CDH13: variants seen among roughly 807,000 people sequenced by gnomAD.
CDH13 encodes the protein cadherin-13.
A neutral mutation model predicts 63.8 loss-of-function variants in CDH13; 24 were observed. The observed-to-expected ratio is 0.38, with a 90% confidence interval of 0.27 to 0.53. CDH13 has a LOEUF of 0.53. Among genes scored for constraint, CDH13 ranks in the 20% least tolerant of loss-of-function variants. CDH13 has a pLI of 0.85. For synonymous variants in CDH13, 503 were observed against 355.3 expected, an observed-to-expected ratio of 1.42 and a Z score of -4.67; for missense variants, 1,049 against 903.1, an observed-to-expected ratio of 1.16 and a Z score of -2.07.
rs371642667 is a variant in CDH13 at position 82,775,428 on chromosome 16, G to A, written c.46-82934G>A. Among the ~76,000 whole-genome samples the A allele has an allele frequency of 9.2e-5, 14 of 152,284 alleles. No individual in the cohort carries two copies. In the East Asian group the frequency reaches 2.1e-3, roughly 23 times the overall value. ...TCTCTGACTTTTACTTTTCTCTTAC[G>A]TAAAATGGTGTGGGATCACACTCAC... On this transcript the variant is annotated intron_variant, in intron 1 of 13. Transcript: ENST00000567109.
chr16:83,716,705 A>C (rs960827658), intron 10 of CDH13, among the ~76,000 whole-genome samples: 1 of 152,022 alleles, frequency 6.6e-6, no homozygotes, highest in Non-Finnish European at 1.5e-5. Context: ...GCTGGTCTCA[A>C]ATCCCTGACC....
At chr16:83,431,549 A>T (rs1165842021) in intron 6 of CDH13, among the ~76,000 whole-genome samples, 1 of 152,072 alleles carries the variant, frequency 6.6e-6, no homozygotes, top group Non-Finnish European at 1.5e-5. Flanking sequence ...AAAAAGGCTT[A>T]ATTGGGTCAC....
At chr16:83,412,242 A>G (rs144390806) in intron 6 of CDH13, among the ~76,000 whole-genome samples, 40 of 152,330 alleles carry the variant, frequency 2.6e-4, no homozygotes, top group Middle Eastern at 3.4e-3. Context: ...CTGATGGATC[A>G]CTTGAGGTCA....
chr16:82,818,551 A>G (rs927669622), intron 1 of CDH13, among the ~76,000 whole-genome samples: 1 of 152,308 alleles, frequency 6.6e-6, no homozygotes, highest in African/African-American at 2.4e-5. Flanking sequence ...AAGGATGGGT[A>G]GGAGTTTTTT....
chr16:83,056,630 A>G (rs532770337), intron 3 of CDH13, among the ~76,000 whole-genome samples: 72 of 152,310 alleles, frequency 4.7e-4, no homozygotes, highest in African/African-American at 1.6e-3. Context: ...GATGTGAACT[A>G]ATCTATATTG....
At chr16:82,791,065 G>A (rs903249629) in intron 1 of CDH13, among the ~76,000 whole-genome samples, 3 of 152,110 alleles carry the variant, frequency 2.0e-5, no homozygotes, top group African/African-American at 7.2e-5. Flanking sequence ...GTGAAATTCC[G>A]TCTTTACTAA....
chr16:83,565,304 A>G (rs553188823), intron 7 of CDH13, among the ~76,000 whole-genome samples: 20 of 150,938 alleles, frequency 1.3e-4, no homozygotes, highest in Non-Finnish European at 2.8e-4. Context: ...CATCTGCGCT[A>G]TAGGCACAGA....
intron 3 of CDH13, among the ~76,000 whole-genome samples, chr16:83,119,830 A>G (rs1259071159): frequency 6.6e-6 from 1 of 152,234 alleles, no homozygotes; most frequent in Non-Finnish European, 1.5e-5. Flanking sequence ...TCATTAGCAC[A>G]GACTCGATCA....
chr16:83,037,253 G>A (rs1259095546), intron 3 of CDH13, among the ~76,000 whole-genome samples: 7 of 152,122 alleles, frequency 4.6e-5, no homozygotes, highest in African/African-American at 7.2e-5. Context: ...TCCCTGTGGG[G>A]TTACCGAGAT....
At chr16:83,423,154 G>C (rs2071767247) in intron 6 of CDH13, among the ~76,000 whole-genome samples, 1 of 151,996 alleles carries the variant, frequency 6.6e-6, no homozygotes, top group Non-Finnish European at 1.5e-5. Flanking sequence ...AAATAACCAG[G>C]GTCCCACAAA....
chr16:82,858,551 A>G (rs879798078), intron 2 of CDH13, 78 bp downstream of exon 2: 1 of 925,692 alleles, frequency 1.1e-6, no homozygotes, highest in South Asian at 1.4e-5. Flanking sequence ...GTGTCTCAGG[A>G]TGTGGTATTT....
intron 9 of CDH13, among the ~76,000 whole-genome samples, chr16:83,674,696 G>C (rs1034999012): frequency 6.6e-6 from 1 of 152,194 alleles, no homozygotes; most frequent in Non-Finnish European, 1.5e-5. Context: ...TTTCCAGCAA[G>C]GTCCTGCCAC....
At chr16:82,739,280 C>G (rs992735708) in intron 1 of CDH13, among the ~76,000 whole-genome samples, 4 of 152,184 alleles carry the variant, frequency 2.6e-5, no homozygotes, top group South Asian at 2.1e-4. Context: ...TTTAGACAAG[C>G]TGACCACCTA....
At chr16:83,027,003 C>T (rs77239715) in intron 2 of CDH13, among the ~76,000 whole-genome samples, 4,556 of 152,100 alleles carry the variant, frequency 0.03, 93 homozygotes, top group Non-Finnish European at 0.044. Context: ...TCCTTGTACT[C>T]CCTGCTGCTG....
chr16:82,746,168 T>A (rs944401414), intron 1 of CDH13, among the ~76,000 whole-genome samples: 3 of 131,794 alleles, frequency 2.3e-5, no homozygotes, highest in Non-Finnish European at 5.2e-5. Context: ...ATATACATAC[T>A]ATATATTATA....
At chr16:83,566,008 A>G (rs781308499) in intron 7 of CDH13, among the ~76,000 whole-genome samples, 4 of 152,144 alleles carry the variant, frequency 2.6e-5, no homozygotes, top group Non-Finnish European at 5.9e-5. Flanking sequence ...ACTGGGACTC[A>G]TTTGAGTTGT....
At chr16:83,261,576 C>T (rs866606077) in intron 5 of CDH13, among the ~76,000 whole-genome samples, 1 of 152,124 alleles carries the variant, frequency 6.6e-6, no homozygotes, top group Non-Finnish European at 1.5e-5. Context: ...AGGGATGTGG[C>T]TCAACATCCT....
At chr16:82,956,178 G>A (rs527303071) in intron 2 of CDH13, among the ~76,000 whole-genome samples, 98 of 151,870 alleles carry the variant, frequency 6.5e-4, no homozygotes, top group African/African-American at 2.3e-3. Flanking sequence ...ACAAACATGG[G>A]CATGATTCTC....
At chr16:83,247,980 G>GC (rs1567536913) in intron 5 of CDH13, among the ~76,000 whole-genome samples, 1 of 152,182 alleles carries the variant, frequency 6.6e-6, no homozygotes, top group Non-Finnish European at 1.5e-5. Context: ...AGTCCAGGAA[G>GC]CCCCAGGCTG....
Sources: gnomAD v4.1 joint callset for allele counts (sites outside exome capture counted in the v4.1 genomes callset) on GRCh38, gnomAD v4.1.1 for gene constraint, MANE v1.5 for transcripts, NCBI Gene and HGNC (gene_info 2026-07-23, HGNC 2026-07-21) for gene names.